Variants in ANK2 observed in about 807,000 individuals in gnomAD.
ANK2 encodes the protein ankyrin-2.
Under a neutral mutation model 360.5 loss-of-function variants are expected in ANK2, and 83 were observed. The observed-to-expected ratio is 0.23, with a 90% CI of 0.19 to 0.28. The LOEUF (loss-of-function observed/expected upper bound fraction) is 0.28. Among genes scored for constraint, ANK2 ranks in the 10% least tolerant of loss-of-function variants. ANK2 has a pLI of 1.00. For synonymous variants in ANK2, 1,740 were observed against 1,759.5 expected (o/e 0.99, Z 0.28); for missense variants, 4,201 against 4,795.7 (o/e 0.88, Z 3.66).
intron 2 of ANK2, among the ~76,000 whole-genome samples, chr4:112,907,191 G>A (rs2085527233): frequency 6.6e-6 from 1 of 152,176 alleles, no homozygotes; most frequent in Admixed American, 6.5e-5. Context: ...TAGACTGAAA[G>A]TGTTAAACAG....
At chr4:112,908,872 C>G (rs1377170428) in intron 2 of ANK2, among the ~76,000 whole-genome samples, 3 of 152,172 alleles carry the variant, frequency 2.0e-5, no homozygotes, top group African/African-American at 7.2e-5. Context: ...GAGCCCTGAA[C>G]CACACATTAA....
rs2071591207 is a variant in ANK2, at chr4:112,868,640, T to A, written c.-39-35815T>A. Among the ~76,000 whole-genome samples the A allele has an allele frequency of 2.6e-5, 4 of 152,254 alleles. No individual in the cohort carries two copies. In the South Asian group the frequency reaches 8.3e-4, roughly 31 times the overall value. On this transcript the variant is annotated intron_variant, in intron 1 of 30. Transcript: ENST00000503271. ...CATAGCAATGTCTATTCAAATTTGT[T>A]CCTCATTTGTTTAAATTTATTTATT...
chr4:113,362,484 G>A (rs1418574945), intron 39 of ANK2, among the ~76,000 whole-genome samples: 1 of 152,038 alleles, frequency 6.6e-6, no homozygotes, highest in Non-Finnish European at 1.5e-5. Context: ...ATGCTCTGCT[G>A]CCTAGGCCAG....
At chr4:113,091,215 G>T (rs1342473319) in intron 1 of ANK2, among the ~76,000 whole-genome samples, 1 of 152,122 alleles carries the variant, frequency 6.6e-6, no homozygotes, top group Non-Finnish European at 1.5e-5. Context: ...GTCATTTTTA[G>T]CATCATATTG....
chr4:112,958,188 G>A (rs921655613), intron 2 of ANK2, among the ~76,000 whole-genome samples: 1 of 152,160 alleles, frequency 6.6e-6, no homozygotes, highest in Admixed American at 6.5e-5. Context: ...CTTCCCAGAC[G>A]GGGTGGCGGC....
rs183704035 is a variant in ANK2 at position 113,315,862 on chromosome 4, A to G, written c.2694-1845A>G. 2.9e-5 allele frequency among the ~76,000 whole-genome samples: 4 copies of G among 139,864 alleles called. No individual in the cohort carries two copies. The South Asian group carries it at 8.9e-4, about 31-fold the overall frequency. 91.8% of individuals were successfully genotyped at this position (139,864 alleles called of 152,430 possible). A position where few individuals can be genotyped will look rare whatever the true frequency, so the allele number is the denominator to read the frequency against. ...CACTGAGCCACGATCGCGCCACTGC[A>G]CTCCAGCCTGGGTGACAGAGCGAGA... is the stretch of plus-strand genomic sequence containing the variant. On this transcript the variant is annotated intron_variant, in intron 24 of 45. Transcript: ENST00000357077.
intron 2 of ANK2, among the ~76,000 whole-genome samples, chr4:112,923,824 A>G (rs540303844): frequency 4.0e-4 from 61 of 152,322 alleles, no homozygotes; most frequent in Middle Eastern, 3.4e-3. Flanking sequence ...AAACGCCCAG[A>G]TTCTTGGAAT....
chr4:112,749,183 A>C, the ANK2 span, among the ~76,000 whole-genome samples: 1 of 152,110 alleles, frequency 6.6e-6, no homozygotes, highest in African/African-American at 2.4e-5. Flanking sequence ...TACAGGCGTG[A>C]GCCACCGCGC....
intron 14 of ANK2, among the ~76,000 whole-genome samples, chr4:113,268,171 A>T (rs1259766752): frequency 1.3e-5 from 2 of 152,178 alleles, no homozygotes; most frequent in Non-Finnish European, 2.9e-5. Flanking sequence ...GGGGTTTTCA[A>T]AATATACAAT....
intron 2 of ANK2, among the ~76,000 whole-genome samples, chr4:112,971,580 A>G (rs1341923980): frequency 6.6e-6 from 1 of 152,244 alleles, no homozygotes; most frequent in Non-Finnish European, 1.5e-5. Flanking sequence ...AGTGAATAGA[A>G]TATATAAAAG....
At chr4:112,772,389 C>T in the ANK2 span, among the ~76,000 whole-genome samples, 2 of 152,186 alleles carry the variant, frequency 1.3e-5, no homozygotes, top group African/African-American at 4.8e-5. Flanking sequence ...CACCAGGTCC[C>T]TCTCACAACA....
intron 1 of ANK2, among the ~76,000 whole-genome samples, chr4:112,865,241 A>G (rs565301699): frequency 6.6e-6 from 1 of 152,026 alleles, no homozygotes; most frequent in South Asian, 2.1e-4. Context: ...AAGTCATGAA[A>G]CTTAATGTCG....
At chr4:112,906,553 A>G (rs2085292922) in intron 2 of ANK2, among the ~76,000 whole-genome samples, 1 of 152,000 alleles carries the variant, frequency 6.6e-6, no homozygotes, top group African/African-American at 2.4e-5. Flanking sequence ...GTGATGGAGG[A>G]GGTGGTCTAG....
intron 5 of ANK2, among the ~76,000 whole-genome samples, chr4:113,236,448 A>C (rs114486966): frequency 6.6e-6 from 1 of 152,270 alleles, no homozygotes; most frequent in South Asian, 2.1e-4. Flanking sequence ...CTAATTTGCC[A>C]GAGTTTTAGA....
rs1242687577 is a variant in ANK2, at chr4:113,357,528, CGTT to C, written c.8913_8915del (p.Val2973del). The C allele has an allele frequency of 6.8e-6, 11 of 1,613,956 alleles. No homozygotes were observed. The highest frequency in any genetic ancestry group is 9.3e-6 in the Non-Finnish European group (11 of 1,179,984). On this transcript the variant is annotated inframe_deletion, in exon 38 of 46. Coordinates refer to ENST00000357077, the MANE Select transcript of ANK2 (RefSeq NM_001148.6). ...TTACCATCACATCCCCTGTTGAAGA[CGTT>C]GTAGTGGCAAGCTCCTCTAGTGGAA...
intron 1 of ANK2, among the ~76,000 whole-genome samples, chr4:112,876,289 G>T (rs923623836): frequency 1.3e-5 from 2 of 152,146 alleles, no homozygotes; most frequent in East Asian, 3.9e-4. Context: ...GGATTTCTAC[G>T]TACTTTAAAA....
At chr4:113,192,638 G>A (rs1317772114) in intron 2 of ANK2, among the ~76,000 whole-genome samples, 2 of 152,014 alleles carry the variant, frequency 1.3e-5, no homozygotes, top group African/African-American at 2.4e-5. Flanking sequence ...GATCTTTGAG[G>A]CAAATCACTT....
chr4:113,156,446 C>T (rs1176793993), intron 1 of ANK2, among the ~76,000 whole-genome samples: 2 of 146,798 alleles, frequency 1.4e-5, no homozygotes, highest in Non-Finnish European at 3.0e-5. Context: ...TCACGACTCA[C>T]TGCAACCTCC....
intron 10 of ANK2, among the ~76,000 whole-genome samples, chr4:113,250,846 A>C (rs960020168): frequency 2.1e-5 from 3 of 139,756 alleles, no homozygotes; most frequent in African/African-American, 7.8e-5. Context: ...AATATTTTTC[A>C]ATTTATATAT....
Sources: gnomAD v4.1 joint callset for allele counts (sites outside exome capture counted in the v4.1 genomes callset) on GRCh38, gnomAD v4.1.1 for gene constraint, MANE v1.5 for transcripts, NCBI Gene and HGNC (gene_info 2026-07-23, HGNC 2026-07-21) for gene names.